The following MEPCE variants were observed in gnomAD, a reference collection of about 807,000 sequenced individuals.
MEPCE encodes the protein 7SK snRNA methylphosphate capping enzyme.
MEPCE carries 9 observed loss-of-function variants against 52.3 expected under a neutral mutation model. That is an observed-to-expected ratio of 0.17 (90% CI 0.10 to 0.30). The LOEUF (loss-of-function observed/expected upper bound fraction) is 0.30, where lower values mean the gene tolerates loss of function less well. Among genes scored for constraint, MEPCE ranks in the 10% least tolerant of loss-of-function variants. The pLI is 1.00. For missense variants in MEPCE, 826 were observed against 933.0 expected, an observed-to-expected ratio of 0.89 and a Z score of 1.49; for synonymous variants, 477 against 401.6, an observed-to-expected ratio of 1.19 and a Z score of -2.25.
Position 100,430,706 on chromosome 7 carries a change from C to G in MEPCE, c.688C>G (p.Leu230Val). The G allele has an allele frequency of 6.2e-7, 1 of 1,613,898 alleles. No homozygotes were observed. Among genetic ancestry groups the G allele is most frequent in the South Asian group, 1.1e-5 (1 of 91,078 alleles). Residue 230 changes from leucine to valine, a missense_variant, in exon 1 of 4, where the codon CTC becomes GTC. Coordinates refer to ENST00000310512, the MANE Select transcript of MEPCE (RefSeq NM_019606.6). ...PAKGRDPVEI[L>V]IPKDITDPLS... ...CAAAGGGCGAGATCCGGTGGAGATC[C>G]TCATCCCCAAAGATATTACTGACCC...
At position 100,431,199 on chromosome 7, in the gene MEPCE, G is replaced by C; in HGVS notation, c.1181G>C (p.Arg394Pro). The C allele has an allele frequency of 6.2e-7, 1 of 1,613,534 alleles. No homozygotes were observed. The highest frequency in any genetic ancestry group is 2.2e-5 in the East Asian group (1 of 44,890). ...AAGGGCCGAGGGAGTTGGGGAGGCCGCCACCACCACCACCACCCACTGCCT... is the reference window on the plus strand; with the variant it reads ...AAGGGCCGAGGGAGTTGGGGAGGCCCCCACCACCACCACCACCCACTGCCT... The part of the protein sequence containing the change: ...KEKGRGSWGG[R>P]HHHHHPLPAA... The change falls in exon 1 of 4, where the codon CGC becomes CCC. Residue 394 changes from arginine to proline, a missense_variant. Physicochemically the swap from Arg to Pro is moderately radical, Grantham distance 103. Coordinates refer to ENST00000310512, the MANE Select transcript of MEPCE (RefSeq NM_019606.6).
chr7:100,433,918 C>T lies in MEPCE; in HGVS notation c.*364C>T, dbSNP rs1380659517. The T allele has an allele frequency of 7.6e-6, 2 of 262,194 alleles. No individual in the cohort carries two copies. The highest frequency in any genetic ancestry group is 4.5e-5 in the African/African-American group (2 of 44,536). 16.2% of individuals were successfully genotyped at this position (262,194 alleles called of 1,614,324 possible). A position where few individuals can be genotyped will look rare whatever the true frequency, so the allele number is the denominator to read the frequency against. The stretch of plus-strand genomic sequence containing the variant: ...GAGAGAGATTCCCATTTCTCCTCGG[C>T]CATTGTACCTAGCTCTTGTCCCTAG... On this transcript the variant is annotated 3_prime_UTR_variant, in exon 4 of 4. Coordinates refer to ENST00000310512, the MANE Select transcript of MEPCE (RefSeq NM_019606.6).
In MEPCE at chr7:100,433,585, C is replaced by A; in HGVS notation, c.*31C>A. 6.2e-7 allele frequency: 1 copy of A among 1,603,806 alleles called. No individual in the cohort carries two copies. Among genetic ancestry groups the A allele is most frequent in the Non-Finnish European group, 8.5e-7 (1 of 1,172,810 alleles). On this transcript the variant is annotated 3_prime_UTR_variant, in exon 4 of 4. Transcript: ENST00000310512. ...CCCCTAAACAGAAAGTGTGAAGAGG[C>A]TGCCCTCGCTGCTCATAAGGACCTG...
rs1443661457 is a variant in MEPCE at position 100,430,600 on chromosome 7, C to G, written c.582C>G (p.Pro194=). The G allele has an allele frequency of 6.2e-7, 1 of 1,611,812 alleles. No individual in the cohort carries two copies. The highest frequency in any genetic ancestry group is 8.5e-7 in the Non-Finnish European group (1 of 1,179,254). The change falls in exon 1 of 4, where the codon CCC becomes CCG. Residue 194 remains proline (P), a synonymous_variant. Transcript: ENST00000310512. ...NFLLGGNIFD[P]LNLNSLLDEE... ...TCCTGGGGGGCAATATCTTTGATCC[C>G]CTGAACCTGAATAGCCTCCTGGATG...
Position 100,430,095 on chromosome 7 carries a change from G to T in MEPCE, c.77G>T (p.Gly26Val). The T allele has an allele frequency of 7.9e-7, 1 of 1,264,366 alleles. No homozygotes were observed. The highest frequency in any genetic ancestry group is 2.9e-5 in the South Asian group (1 of 34,328). 78.3% of individuals were successfully genotyped at this position (1,264,366 alleles called of 1,614,324 possible). ...PPPPLKDESG[G>V]GGGPTVPPHQ... The stretch of plus-strand genomic sequence containing the variant: ...CCGCCGCTCAAAGATGAGTCGGGCG[G>T]AGGGGGCGGCCCCACGGTGCCACCG... Residue 26 changes from glycine to valine, a missense_variant, in exon 1 of 4, where the codon GGA (glycine) becomes GTA (valine). This residue lies in a region of MEPCE where 314 missense variants were observed against 277.7 expected (regional missense o/e 1.13). Transcript: ENST00000310512.
chr7:100,431,395 G>C lies in MEPCE; in HGVS notation c.1377G>C (p.Leu459=). 6.2e-7 allele frequency: 1 copy of C among 1,614,188 alleles called. No homozygotes were observed. Among genetic ancestry groups the C allele is most frequent in the East Asian group, 2.2e-5 (1 of 44,896 alleles). Residue 459 remains leucine, a synonymous_variant, in exon 1 of 4, where the codon CTG becomes CTC. Transcript: ENST00000310512. ...DLGCNVGHLT[L]SIACKWGPSR... is the part of the protein sequence containing the mutation. The stretch of plus-strand genomic sequence containing the variant: ...GCTGCAATGTGGGCCATCTGACCCT[G>C]AGCATTGCCTGCAAGTGGGGCCCGT...
chr7:100,433,996 TGGC>T lies in MEPCE; in HGVS notation c.*443_*445del. The T allele has an allele frequency of 5.8e-6, 1 of 172,134 alleles. No individual in the cohort carries two copies. Among genetic ancestry groups the T allele is most frequent in the South Asian group, 1.4e-4 (1 of 7,232 alleles). The allele number at this position is 172,134 out of a possible 1,614,324, so 10.7% of individuals were successfully genotyped here. ...GGACTGAGGGTTAGACGGGGAAGACTGGCAGGGAGGCACGCAGGTACTGTGAAA... is the reference window on the plus strand; with the variant it reads ...GGACTGAGGGTTAGACGGGGAAGACTAGGGAGGCACGCAGGTACTGTGAAA... On this transcript the variant is annotated 3_prime_UTR_variant, in exon 4 of 4. Coordinates refer to ENST00000310512, the MANE Select transcript of MEPCE (RefSeq NM_019606.6).
chr7:100,429,921 C>A lies in MEPCE; in HGVS notation c.-98C>A. ...GGCGTGAAGAGCAGAGCTGCGCGCGCACTCGGGAAAGGGGGGAAGGGAGCA... is the reference window on the plus strand; with the variant it reads ...GGCGTGAAGAGCAGAGCTGCGCGCGAACTCGGGAAAGGGGGGAAGGGAGCA... On this transcript the variant is annotated 5_prime_UTR_variant, in exon 1 of 4. Coordinates refer to ENST00000310512, the MANE Select transcript of MEPCE (RefSeq NM_019606.6). 1 of 974,500 alleles carries A rather than the reference C, an allele frequency of 1.0e-6. No homozygotes were observed. The highest frequency in any genetic ancestry group is 1.3e-6 in the Non-Finnish European group (1 of 753,680). 60.4% of individuals were successfully genotyped at this position (974,500 alleles called of 1,614,324 possible). A position where few individuals can be genotyped will look rare whatever the true frequency, so the allele number is the denominator to read the frequency against.
Position 100,431,641 on chromosome 7 carries a change from G to A in MEPCE, c.1623G>A (p.Leu541=). The A allele has an allele frequency of 1.2e-6, 2 of 1,605,334 alleles. No homozygotes were observed. The highest frequency in any genetic ancestry group is 4.5e-5 in the East Asian group (2 of 44,884). The change falls in exon 1 of 4, where the codon TTG becomes TTA. Residue 541 remains leucine (L), a synonymous_variant. Coordinates refer to ENST00000310512, the MANE Select transcript of MEPCE (RefSeq NM_019606.6). ...RGPIAAPQVP[L]DGADTSVFPN... is the part of the protein sequence containing the mutation. ...CCATCGCTGCCCCCCAAGTGCCCTT[G>A]GATGGAGCGGACACATCAGTCTTCC...
chr7:100,433,197 G>A, intron 2 of MEPCE, 60 bp downstream of exon 2: 3 of 1,613,214 alleles, frequency 1.9e-6, no homozygotes, highest in South Asian at 1.1e-5. Flanking sequence ...AGGCCCCGAG[G>A]TGGGCATCGC....
Position 100,429,973 on chromosome 7 carries a change from C to A in MEPCE, c.-46C>A. ...GGTCCAGGCAGGGGGGGTTAGGCCC[C>A]CTGATCCCCCTCGTTACCCCGACTG... is the stretch of plus-strand genomic sequence containing the variant. On this transcript the variant is annotated 5_prime_UTR_variant, in exon 1 of 4. Transcript: ENST00000310512. 1 of 1,226,142 alleles carries A rather than the reference C, an allele frequency of 8.2e-7. No individual in the cohort carries two copies. The allele number at this position is 1,226,142 out of a possible 1,614,324, so 76.0% of individuals were successfully genotyped here.
At position 100,433,430 on chromosome 7, in the gene MEPCE, G is replaced by C. The variant is rs750115119; in HGVS notation, c.2017+41G>C. 8.1e-6 allele frequency: 13 copies of C among 1,613,970 alleles called. No individual in the cohort carries two copies. The Admixed American group carries it at 1.5e-4, about 19-fold the overall frequency. On this transcript the variant is annotated intron_variant, in intron 3 of 3. Transcript: ENST00000310512. The stretch of plus-strand genomic sequence containing the variant: ...TTTGTCAGGGAGGCTGGTCCTGGCT[G>C]AAAGAGTGCAGACCCCCATGGGGAT...
At chr7:100,432,669 C>T (rs1798752841) in intron 1 of MEPCE, among the ~76,000 whole-genome samples, 1 of 152,138 alleles carries the variant, frequency 6.6e-6, no homozygotes, top group Non-Finnish European at 1.5e-5. Context: ...ATAATTTGCA[C>T]CATTTAAAAT....
In MEPCE at chr7:100,430,210, G is replaced by A. The variant is rs1798582836; in HGVS notation, c.192G>A (p.Ala64=). ...CAPSAGSPAA[A]VGRESPGAAA... Reference sequence around the variant, plus strand: ...CATCTGCGGGGTCCCCAGCCGCTGCGGTCGGTCGGGAAAGCCCCGGGGCCG... The same window carrying A: ...CATCTGCGGGGTCCCCAGCCGCTGCAGTCGGTCGGGAAAGCCCCGGGGCCG... The change falls in exon 1 of 4, where the codon GCG becomes GCA. Residue 64 remains alanine, a synonymous_variant. Transcript: ENST00000310512. The A allele has an allele frequency of 1.5e-6, 2 of 1,310,136 alleles. No homozygotes were observed. The highest frequency in any genetic ancestry group is 8.0e-5 in the Admixed American group (2 of 25,108). 81.2% of individuals were successfully genotyped at this position (1,310,136 alleles called of 1,614,324 possible).
chr7:100,432,816 C>T lies in MEPCE; in HGVS notation c.1672-103C>T, dbSNP rs536058590. The T allele has an allele frequency of 7.8e-5, 83 of 1,063,928 alleles. No homozygotes were observed. The African/African-American group carries it at 1.2e-3, about 16-fold the overall frequency. 65.9% of individuals were successfully genotyped at this position (1,063,928 alleles called of 1,614,324 possible). A position where few individuals can be genotyped will look rare whatever the true frequency, so the allele number is the denominator to read the frequency against. On this transcript the variant is annotated intron_variant, in intron 1 of 3. Transcript: ENST00000310512. ...AGTCTGAGAAGAAAGTGGCCACGGG[C>T]TAAAGTGAGGCCGCGGGACTGTATC... is the stretch of plus-strand genomic sequence containing the variant.
In MEPCE at chr7:100,431,677, T is replaced by C. The variant is rs543283038; in HGVS notation, c.1659T>C (p.Val553=). Residue 553 remains valine, a synonymous_variant, in exon 1 of 4, where the codon GTT becomes GTC. Transcript: ENST00000310512. ...ACACATCAGTCTTCCCCAACAATGT[T>C]GTCTTCGTCACGGTAAGAGGGTCCA... The part of the protein sequence containing the change: ...GADTSVFPNN[V]VFVTGNYVLD... 6.3e-7 allele frequency: 1 copy of C among 1,592,382 alleles called. No individual in the cohort carries two copies. The highest frequency in any genetic ancestry group is 1.3e-5 in the African/African-American group (1 of 74,874).
At position 100,433,189 on chromosome 7, in the gene MEPCE, G is replaced by T. The variant is rs182979992; in HGVS notation, c.1890+52G>T. 5.0e-6 allele frequency: 8 copies of T among 1,613,150 alleles called. No homozygotes were observed. In the African/African-American group the frequency reaches 8.0e-5, roughly 16 times the overall value. ...ATTCCTTTGGTTGAGGCAAGAAAAG[G>T]CCCCGAGGTGGGCATCGCCCTTGGC... On this transcript the variant is annotated intron_variant, in intron 2 of 3. Coordinates refer to ENST00000310512, the MANE Select transcript of MEPCE (RefSeq NM_019606.6).
At position 100,431,149 on chromosome 7, in the gene MEPCE, G is replaced by A; in HGVS notation, c.1131G>A (p.Arg377=). ...RTSSKSEAGA[R]GGGQGSKEKG... is the part of the protein sequence containing the mutation. ...CCAGCAAGTCGGAGGCAGGGGCTAG[G>A]GGTGGAGGCCAGGGTTCCAAGGAAA... Residue 377 remains arginine (R), a synonymous_variant, in exon 1 of 4, where the codon AGG becomes AGA. Transcript: ENST00000310512. 6.2e-7 allele frequency: 1 copy of A among 1,613,700 alleles called. No homozygotes were observed. The highest frequency in any genetic ancestry group is 1.1e-5 in the South Asian group (1 of 91,084).
Position 100,433,982 on chromosome 7 carries a change from T to TTTTAATG in MEPCE, c.*428_*429insTTTAATG. 5.7e-6 allele frequency: 1 copy of TTTTAATG among 176,690 alleles called. No individual in the cohort carries two copies. Among genetic ancestry groups the TTTTAATG allele is most frequent in the South Asian group, 1.3e-4 (1 of 7,592 alleles). 10.9% of individuals were successfully genotyped at this position (176,690 alleles called of 1,614,324 possible). ...GACCATGGATAGAGGGACTGAGGGT[T>TTTTAATG]AGACGGGGAAGACTGGCAGGGAGGC... On this transcript the variant is annotated 3_prime_UTR_variant, in exon 4 of 4. Coordinates refer to ENST00000310512, the MANE Select transcript of MEPCE (RefSeq NM_019606.6).
Sources: gnomAD v4.1 joint callset for allele counts (sites outside exome capture counted in the v4.1 genomes callset) on GRCh38, gnomAD v4.1.1 for gene constraint, gnomAD v4.1.1 regional missense constraint, MANE v1.5 for transcripts, NCBI Gene and HGNC (gene_info 2026-07-23, HGNC 2026-07-21) for gene names.